IGFBP3: variants seen among roughly 807,000 people sequenced by gnomAD.
IGFBP3 encodes insulin like growth factor binding protein 3, also known as insulin-like growth factor-binding protein 3.
IGFBP3 carries 9 observed loss-of-function variants against 28.6 expected under a neutral mutation model. The observed-to-expected ratio is 0.31, with a 90% CI of 0.19 to 0.55. IGFBP3 has a LOEUF of 0.55. IGFBP3 is among the 20% of genes least tolerant of loss of function. The pLI is 0.93. For synonymous variants in IGFBP3, 185 were observed against 188.2 expected, an observed-to-expected ratio of 0.98 and a Z score of 0.14; for missense variants, 382 against 428.9, an observed-to-expected ratio of 0.89 and a Z score of 0.97.
At chr7:45,919,258 A>G (rs1356542341) in intron 1 of IGFBP3, among the ~76,000 whole-genome samples, 1 of 152,212 alleles carries the variant, frequency 6.6e-6, no homozygotes, top group Non-Finnish European at 1.5e-5. Context: ...AACCTATACT[A>G]CAGTGCTACT....
intron 3 of IGFBP3, 98 bp downstream of exon 3, chr7:45,916,450 A>G (rs1276035308): frequency 2.9e-5 from 37 of 1,266,526 alleles, no homozygotes; most frequent in Non-Finnish European, 4.0e-5. Flanking sequence ...ACAGGCTCAG[A>G]GTTAGAGCTA....
intron 1 of IGFBP3, 75 bp downstream of exon 1, chr7:45,920,663 A>G (rs1784672248): frequency 8.0e-7 from 1 of 1,251,542 alleles, no homozygotes; most frequent in African/African-American, 1.6e-5. Flanking sequence ...CCGCAGCGGC[A>G]CCCAGCAACC....
At position 45,917,354 on chromosome 7, in the gene IGFBP3, G is replaced by A. The variant is rs746832365; in HGVS notation, c.489C>T (p.Pro163=). The A allele has an allele frequency of 6.2e-7, 1 of 1,613,960 alleles. No individual in the cohort carries two copies. Among genetic ancestry groups the A allele is most frequent in the Admixed American group, 1.7e-5 (1 of 59,994 alleles). Residue 163 remains proline, a synonymous_variant, in exon 2 of 5, where the codon CCC becomes CCT. Transcript: ENST00000613132. ...TCTTTGAATGGAGGGGGTGGAACTT[G>A]GGATCAGACACCCGGTGCGTGCTGG... ...SVSSTHRVSD[P]KFHPLHSKII... is the part of the protein sequence containing the mutation.
In IGFBP3 at chr7:45,917,125, G is replaced by T. The variant is rs1009766727; in HGVS notation, c.630+88C>A. 4.6e-6 allele frequency: 5 copies of T among 1,097,552 alleles called. No homozygotes were observed. The African/African-American group carries it at 7.7e-5, about 17-fold the overall frequency. The allele number at this position is 1,097,552 out of a possible 1,614,324, so 68.0% of individuals were successfully genotyped here. A position where few individuals can be genotyped will look rare whatever the true frequency, so the allele number is the denominator to read the frequency against. On this transcript the variant is annotated intron_variant, in intron 2 of 4. Transcript: ENST00000613132. ...ACCCATCAGCCAGGCGCTGGGGTTT[G>T]TTGAGTAAGAATTGCCCTCAAGAGG...
chr7:45,913,077 CT>C lies in IGFBP3; in HGVS notation c.*772del, dbSNP rs35496550. The C allele has an allele frequency of 0.084, 12,783 of 152,240 alleles. 682 individuals are homozygous for C. The highest frequency in any genetic ancestry group is 0.17 in the Middle Eastern group (49 of 294). The allele number at this position is 152,240 out of a possible 1,614,324, so 9.4% of individuals were successfully genotyped here. A position where few individuals can be genotyped will look rare whatever the true frequency, so the allele number is the denominator to read the frequency against. ...CTCTGAATGTGGAGGCTGACTCTCC[CT>C]GTCTCTCTGTCCCTCCTACCCCACG... is the stretch of plus-strand genomic sequence containing the variant. On this transcript the variant is annotated 3_prime_UTR_variant, in exon 5 of 5. Transcript: ENST00000613132.
At position 45,917,286 on chromosome 7, in the gene IGFBP3, T is replaced by A. The variant is rs751931463; in HGVS notation, c.557A>T (p.Tyr186Phe). ...KKGHAKDSQR[Y>F]KVDYESQSTD... is the part of the protein sequence containing the mutation. ...GCTCTGAGACTCGTAGTCAACTTTG[T>A]AGCGCTGGCTGTCTTTAGCATGCCC... The change falls in exon 2 of 5, where the codon TAC becomes TTC. Residue 186 changes from tyrosine (Y) to phenylalanine (F), a missense_variant. Tyr to Phe is a conservative substitution (Grantham distance 22, BLOSUM62 3). Transcript: ENST00000613132. 56 of 1,614,042 alleles carry A rather than the reference T, an allele frequency of 3.5e-5. No homozygotes were observed. The South Asian group carries it at 5.6e-4, about 16-fold the overall frequency.
chr7:45,920,748 CG>C lies in IGFBP3; in HGVS notation c.392del (p.Pro131ArgfsTer42). On this transcript the variant is annotated frameshift_variant, in exon 1 of 5. Transcript: ENST00000613132. LOFTEE classifies it high-confidence loss of function. The stretch of plus-strand genomic sequence containing the variant: ...GCGCGGGCGGCTCACCTGGAGCTGG[CG>C]GCGCTGGCAGCAGGTAGGCGCGCAG... ...SRLRAYLLPA[P>X]PAPGNASESE... is the part of the protein sequence containing the mutation. The C allele has an allele frequency of 7.1e-7, 1 of 1,416,508 alleles. No homozygotes were observed. The allele number at this position is 1,416,508 out of a possible 1,614,324, so 87.7% of individuals were successfully genotyped here. A position where few individuals can be genotyped will look rare whatever the true frequency, so the allele number is the denominator to read the frequency against.
rs1488142946 is a variant in IGFBP3, at chr7:45,914,742, CCT to C, written c.*15+61_*15+62del. The stretch of plus-strand genomic sequence containing the variant: ...GAAGGGCCAGTGGCCACGCCCAGCC[CCT>C]GAGGCTGGTCCAAGGACAGTGAGGC... On this transcript the variant is annotated intron_variant, in intron 4 of 4. Coordinates refer to ENST00000613132, the MANE Select transcript of IGFBP3 (RefSeq NM_000598.5). 7.8e-6 allele frequency: 12 copies of C among 1,538,590 alleles called. No individual in the cohort carries two copies. The African/African-American group carries it at 1.1e-4, about 14-fold the overall frequency.
chr7:45,914,810 C>T lies in IGFBP3; in HGVS notation c.*10G>A, dbSNP rs534186072. ...TGCCCCTCCTGAGTACTCACCCTTG[C>T]GGCAGGCGTCTACTTGCTCTGCATG... On this transcript the variant is annotated 3_prime_UTR_variant, in exon 4 of 5. Transcript: ENST00000613132. The T allele has an allele frequency of 1.4e-4, 222 of 1,613,438 alleles. 3 individuals carry two copies. Among genetic ancestry groups the T allele is most frequent in the South Asian group, 1.2e-3 (105 of 91,024 alleles).
chr7:45,915,152 C>T (rs1784593352), intron 3 of IGFBP3: 1 of 544,454 alleles, frequency 1.8e-6, no homozygotes, highest in African/African-American at 1.9e-5. Flanking sequence ...ACTTCCTGCT[C>T]CAAGAAAGCG....
Position 45,914,807 on chromosome 7 carries a change from T to C in IGFBP3, c.*13A>G. On this transcript the variant is annotated splice_region_variant and 3_prime_UTR_variant, in exon 4 of 5. Transcript: ENST00000613132. ...GGCTGCCCCTCCTGAGTACTCACCC[T>C]TGCGGCAGGCGTCTACTTGCTCTGC... The C allele has an allele frequency of 6.2e-7, 1 of 1,613,208 alleles. No homozygotes were observed. The highest frequency in any genetic ancestry group is 2.2e-5 in the East Asian group (1 of 44,816).
At chr7:45,919,978 C>T (rs1241674046) in intron 1 of IGFBP3, 2 of 150,646 alleles carry the variant, frequency 1.3e-5, no homozygotes, top group African/African-American at 4.9e-5. Flanking sequence ...AATTCCCTTC[C>T]GTGTCATTGA....
Position 45,920,797 on chromosome 7 carries a change from A to G in IGFBP3, c.344T>C (p.Val115Ala), listed in dbSNP as rs1453318622. 11 of 1,415,030 alleles carry G rather than the reference A, an allele frequency of 7.8e-6. No homozygotes were observed. In the East Asian group the frequency reaches 3.1e-4, roughly 39 times the overall value. The allele number at this position is 1,415,030 out of a possible 1,614,324, so 87.7% of individuals were successfully genotyped here. A position where few individuals can be genotyped will look rare whatever the true frequency, so the allele number is the denominator to read the frequency against. Residue 115 changes from valine to alanine, a missense_variant, in exon 1 of 5, where the codon GTC becomes GCC. Transcript: ENST00000613132. ...CAGGCGGCTGACGGCACTAGCGTTGACGCAGAGCCCGCGGCCGTCCAGCAG... is the reference window on the plus strand; with the variant it reads ...CAGGCGGCTGACGGCACTAGCGTTGGCGCAGAGCCCGCGGCCGTCCAGCAG... The part of the protein sequence containing the change: ...QALLDGRGLC[V>A]NASAVSRLRA...
intron 3 of IGFBP3, among the ~76,000 whole-genome samples, chr7:45,915,911 G>C (rs1205873147): frequency 1.3e-5 from 2 of 152,194 alleles, no homozygotes; most frequent in African/African-American, 4.8e-5. Flanking sequence ...CGCCAAGACA[G>C]ACACCTGGTA....
At chr7:45,918,642 G>T (rs937617612) in intron 1 of IGFBP3, among the ~76,000 whole-genome samples, 3 of 152,212 alleles carry the variant, frequency 2.0e-5, no homozygotes, top group Non-Finnish European at 4.4e-5. Context: ...TGTAACCCTA[G>T]CAGGGAGCTC....
Position 45,916,587 on chromosome 7 carries a change from A to T in IGFBP3, c.711T>A (p.Ile237=), listed in dbSNP as rs1784611139. Residue 237 remains isoleucine, a synonymous_variant, in exon 3 of 5, where the codon ATT becomes ATA. Coordinates refer to ENST00000613132, the MANE Select transcript of IGFBP3 (RefSeq NM_000598.5). ...LNVLSPRGVH[I]PNCDKKGFYK... ...AAAATCCCTTCTTGTCACAGTTGGG[A>T]ATGTGTACACCCCTGGGACTCAGCA... is the stretch of plus-strand genomic sequence containing the variant. The T allele has an allele frequency of 6.2e-7, 1 of 1,612,724 alleles. No individual in the cohort carries two copies. The highest frequency in any genetic ancestry group is 2.2e-5 in the East Asian group (1 of 44,834).
chr7:45,913,993 G>A (rs1026430393), intron 4 of IGFBP3, 159 bp from the exon 5 acceptor site: 16 of 152,142 alleles, frequency 1.1e-4, no homozygotes, highest in South Asian at 2.1e-4. Context: ...ACAAAGCAAC[G>A]AGTACCAGAT....
At position 45,920,539 on chromosome 7, in the gene IGFBP3, C is replaced by T. The variant is rs1317332830; in HGVS notation, c.403+199G>A. ...TACAAGTACTCTGCACTTAGAGAAT[C>T]GAGCAAGTAGAGGGCCGGCTGGGGA... On this transcript the variant is annotated intron_variant, in intron 1 of 4. Coordinates refer to ENST00000613132, the MANE Select transcript of IGFBP3 (RefSeq NM_000598.5). 7 of 446,040 alleles carry T rather than the reference C, an allele frequency of 1.6e-5. No individual in the cohort carries two copies. In the Middle Eastern group the frequency reaches 1.7e-3, roughly 111 times the overall value. 27.6% of individuals were successfully genotyped at this position (446,040 alleles called of 1,614,324 possible).
At chr7:45,916,855 C>T (rs1388924356) in intron 2 of IGFBP3, 188 bp from the exon 3 acceptor site, 4 of 597,444 alleles carry the variant, frequency 6.7e-6, no homozygotes, top group African/African-American at 5.5e-5. Flanking sequence ...CTCCTTTTTG[C>T]TCTTCCCAGA....
Sources: gnomAD v4.1 joint callset for allele counts (sites outside exome capture counted in the v4.1 genomes callset) on GRCh38, gnomAD v4.1.1 for gene constraint, MANE v1.5 for transcripts, NCBI Gene and HGNC (gene_info 2026-07-23, HGNC 2026-07-21) for gene names.